The following NAXD variants were observed in gnomAD, a reference collection of about 807,000 sequenced individuals.
NAXD encodes the protein ATP-dependent (S)-NAD(P)H-hydrate dehydratase.
In NAXD, 22 loss-of-function variants were observed where a neutral mutation model predicts 35.8. The ratio of observed to expected loss-of-function variants is 0.62; its 90% CI spans 0.44 to 0.88. The LOEUF (loss-of-function observed/expected upper bound fraction) is 0.88. Among genes scored for constraint, NAXD ranks in the 40% least tolerant of loss-of-function variants. The pLI is 0.00. For missense variants in NAXD, 428 were observed against 437.7 expected, an observed-to-expected ratio of 0.98 and a Z score of 0.20; for synonymous variants, 189 against 177.6, an observed-to-expected ratio of 1.06 and a Z score of -0.51.
rs74390477 is a variant in NAXD, at chr13:110,620,960, C to T, written c.47-1256C>T. ...CTCTATAGAACATACCAGCATTTCT[C>T]TCATAGCCGAGCTGTTTTAAATATT... On this transcript the variant is annotated intron_variant, in intron 1 of 9. Transcript: ENST00000680254. Among the ~76,000 whole-genome samples the T allele has an allele frequency of 9.8e-3, 1,486 of 152,322 alleles. 10 individuals are homozygous for T. Among genetic ancestry groups the T allele is most frequent in the Middle Eastern group, 0.048 (14 of 294 alleles).
chr13:110,624,688 CTGACCTCACGTGAT>C (rs899122429), intron 3 of NAXD, among the ~76,000 whole-genome samples: 1 of 152,256 alleles, frequency 6.6e-6, no homozygotes, highest in Non-Finnish European at 1.5e-5. Flanking sequence ...TCTCGAACTC[CTGACCTCACGTGAT>C]CCATGCGCCT....
In NAXD at chr13:110,634,720, C is replaced by A; in HGVS notation, c.541C>A (p.Arg181=). Residue 181 remains arginine (R), a synonymous_variant, in exon 7 of 10, where the codon CGG becomes AGG. Transcript: ENST00000680254. ...GCAGCCGGCCCTCATCCATGGCTACCGGAAGGCTGTGCTCACTCCCAACCA... is the reference window on the plus strand; with the variant it reads ...GCAGCCGGCCCTCATCCATGGCTACAGGAAGGCTGTGCTCACTCCCAACCA... ...AQQPALIHGY[R]KAVLTPNHVE... 1 of 1,614,124 alleles carries A rather than the reference C, an allele frequency of 6.2e-7. No homozygotes were observed. Among genetic ancestry groups the A allele is most frequent in the South Asian group, 1.1e-5 (1 of 91,074 alleles).
At chr13:110,625,967 G>T (rs1886461513) in intron 4 of NAXD, among the ~76,000 whole-genome samples, 1 of 152,178 alleles carries the variant, frequency 6.6e-6, no homozygotes, top group African/African-American at 2.4e-5. Context: ...AGGGGCAGTT[G>T]GGGCGGCAGC....
Position 110,637,458 on chromosome 13 carries a change from G to T in NAXD, c.839+209G>T, listed in dbSNP as rs114015212. Reference sequence around the variant, plus strand: ...CCTGTCCATCATTCACTGTGGATGGGGCCTGGGGCAGGGGTGGTCTTCAGA... The same window carrying T: ...CCTGTCCATCATTCACTGTGGATGGTGCCTGGGGCAGGGGTGGTCTTCAGA... On this transcript the variant is annotated intron_variant, in intron 9 of 9. Transcript: ENST00000680254. 8.3e-4 allele frequency among the ~76,000 whole-genome samples: 127 copies of T among 152,270 alleles called. 1 individual carries two copies. The highest frequency in any genetic ancestry group is 2.4e-3 in the African/African-American group (99 of 41,558).
At chr13:110,637,081 C>T (rs746651071) in intron 8 of NAXD, 48 bp from the exon 9 acceptor site, 15 of 1,568,652 alleles carry the variant, frequency 9.6e-6, no homozygotes, top group Non-Finnish European at 1.3e-5. Flanking sequence ...CTGTCACATT[C>T]ACACACATGG....
At chr13:110,618,583 A>G (rs536336468) in intron 1 of NAXD, among the ~76,000 whole-genome samples, 4 of 152,254 alleles carry the variant, frequency 2.6e-5, no homozygotes, top group Non-Finnish European at 5.9e-5. Flanking sequence ...GGCTTGTGGT[A>G]AATGGGACTT....
rs528260432 is a variant in NAXD at position 110,638,048 on chromosome 13, T to A, written c.840-330T>A. On this transcript the variant is annotated intron_variant, in intron 9 of 9. Coordinates refer to ENST00000680254, the MANE Select transcript of NAXD (RefSeq NM_001242882.2). The surrounding 1 kb of genome is among the most constrained non-coding windows in gnomAD (Gnocchi z 5.4). ...TCAGACCTCAGATGCCCTCTGCACC[T>A]GGGCACTGAGAGCACAGTCAAACAG... Among the ~76,000 whole-genome samples the A allele has an allele frequency of 1.3e-5, 2 of 152,292 alleles. No individual in the cohort carries two copies. The highest frequency in any genetic ancestry group is 4.1e-4 in the South Asian group (2 of 4,824).
chr13:110,638,215 G>A lies in NAXD; in HGVS notation c.840-163G>A, dbSNP rs750685217. Reference sequence around the variant, plus strand: ...TAGTGGAGGGTTAATGGTGGTTTTCGCTGTGATAAACCTGCTTTCTCCTCA... The same window carrying A: ...TAGTGGAGGGTTAATGGTGGTTTTCACTGTGATAAACCTGCTTTCTCCTCA... On this transcript the variant is annotated intron_variant, in intron 9 of 9. Coordinates refer to ENST00000680254, the MANE Select transcript of NAXD (RefSeq NM_001242882.2). The surrounding 1 kb of genome is among the most constrained non-coding windows in gnomAD (Gnocchi z 5.4). 3.9e-6 allele frequency: 6 copies of A among 1,531,478 alleles called. No homozygotes were observed. The highest frequency in any genetic ancestry group is 2.6e-5 in the South Asian group (2 of 77,450). The allele number at this position is 1,531,478 out of a possible 1,614,324, so 94.9% of individuals were successfully genotyped here.
At chr13:110,626,382 A>G (rs1282415009) in intron 4 of NAXD, among the ~76,000 whole-genome samples, 1 of 152,066 alleles carries the variant, frequency 6.6e-6, no homozygotes, top group African/African-American at 2.4e-5. Context: ...TGTGGTGGAA[A>G]CGGGCTTGGG....
At chr13:110,622,045 AAT>A (rs1886287308) in intron 1 of NAXD, among the ~76,000 whole-genome samples, 169 bp from the exon 2 acceptor site, 2 of 150,610 alleles carry the variant, frequency 1.3e-5, no homozygotes, top group South Asian at 2.1e-4. Context: ...AGAAAAAAAA[AAT>A]TGCATGTGTT....
At chr13:110,633,854 G>A (rs896608521) in intron 5 of NAXD, among the ~76,000 whole-genome samples, 1 of 152,026 alleles carries the variant, frequency 6.6e-6, no homozygotes, top group African/African-American at 2.4e-5. Context: ...TTTAAAACGT[G>A]TAAGTAAAGT....
At chr13:110,618,901 G>A (rs1334368072) in intron 1 of NAXD, among the ~76,000 whole-genome samples, 3 of 152,252 alleles carry the variant, frequency 2.0e-5, no homozygotes, top group Non-Finnish European at 4.4e-5. Context: ...GTGTGACGCA[G>A]AAGGGAAGCT....
chr13:110,617,704 C>G (rs567600540), intron 1 of NAXD, among the ~76,000 whole-genome samples: 4 of 152,298 alleles, frequency 2.6e-5, no homozygotes, highest in Admixed American at 2.6e-4. Flanking sequence ...TGTGTGCCCA[C>G]AAAAATAAAA....
intron 1 of NAXD, among the ~76,000 whole-genome samples, chr13:110,621,522 C>T (rs924581753): frequency 1.3e-5 from 2 of 151,368 alleles, no homozygotes; most frequent in African/African-American, 4.9e-5. Context: ...ATGGTGAAAC[C>T]CTGTCTCTAC....
intron 1 of NAXD, among the ~76,000 whole-genome samples, chr13:110,621,606 G>C (rs1237800664): frequency 6.6e-6 from 1 of 152,190 alleles, no homozygotes; most frequent in Non-Finnish European, 1.5e-5. Flanking sequence ...TGAGGCAGGA[G>C]AATCGCTTGA....
chr13:110,616,177 G>A (rs1886045513), intron 1 of NAXD: 1 of 196,194 alleles, frequency 5.1e-6, no homozygotes, highest in Non-Finnish European at 1.0e-5. Flanking sequence ...GGTCGGAGCT[G>A]GATACGGGGG....
intron 1 of NAXD, among the ~76,000 whole-genome samples, chr13:110,620,696 T>G (rs1438708473): frequency 6.6e-6 from 1 of 152,124 alleles, no homozygotes; most frequent in East Asian, 1.9e-4. Flanking sequence ...TAAAGAAAAT[T>G]CCTTCAAAAG....
At chr13:110,631,498 G>A (rs1019579253) in intron 5 of NAXD, among the ~76,000 whole-genome samples, 1 of 152,266 alleles carries the variant, frequency 6.6e-6, no homozygotes, top group Middle Eastern at 3.4e-3. Context: ...ACCCTTCTGC[G>A]CTGGGTGCTC....
intron 4 of NAXD, among the ~76,000 whole-genome samples, chr13:110,625,693 C>T (rs1267538221): frequency 6.6e-6 from 1 of 152,250 alleles, no homozygotes; most frequent in Non-Finnish European, 1.5e-5. Flanking sequence ...AACCTGCCCC[C>T]GTGGGGCTCC....
Sources: gnomAD v4.1 joint callset for allele counts (sites outside exome capture counted in the v4.1 genomes callset) on GRCh38, gnomAD v4.1.1 for gene constraint, Gnocchi (gnomAD v3.1) non-coding constraint, MANE v1.5 for transcripts, NCBI Gene and HGNC (gene_info 2026-07-23, HGNC 2026-07-21) for gene names.